The following PTPRE variants were observed in gnomAD, a reference collection of about 807,000 sequenced individuals.
PTPRE encodes receptor-type tyrosine-protein phosphatase epsilon.
In PTPRE, 51 loss-of-function variants were observed where a neutral mutation model predicts 102.0. The observed-to-expected ratio is 0.50, with a 90% CI of 0.40 to 0.63. The LOEUF (loss-of-function observed/expected upper bound fraction) is 0.63. Ranked by LOEUF, PTPRE falls within the 30% of genes least tolerant of loss-of-function variation. The pLI is 0.00. For synonymous variants in PTPRE, 345 were observed against 348.2 expected (o/e 0.99, Z 0.10); for missense variants, 752 against 915.1 (o/e 0.82, Z 2.30).
intron 2 of PTPRE, among the ~76,000 whole-genome samples, chr10:128,005,600 A>G (rs893759849): frequency 2.0e-5 from 3 of 152,228 alleles, no homozygotes; most frequent in Non-Finnish European, 4.4e-5. Context: ...TGCTAAGAGA[A>G]TAGCAGAGTG....
chr10:128,060,845 C>G, intron 7 of PTPRE, 94 bp from the exon 8 acceptor site: 1 of 1,240,622 alleles, frequency 8.1e-7, no homozygotes, highest in South Asian at 1.2e-5. Context: ...GGAGCTGACA[C>G]TGCAGATGAA....
intron 1 of PTPRE, among the ~76,000 whole-genome samples, chr10:127,950,762 G>C (rs796478849): frequency 1.3e-5 from 2 of 152,126 alleles, no homozygotes; most frequent in Non-Finnish European, 2.9e-5. Context: ...GGTCTGACTC[G>C]TGTAGATCTA....
At chr10:127,948,473 G>A (rs12413190) in intron 1 of PTPRE, among the ~76,000 whole-genome samples, 34,897 of 151,968 alleles carry the variant, frequency 0.23, 4,674 homozygotes, top group African/African-American at 0.37. Flanking sequence ...CATATAGAAT[G>A]GTTTTACTGC....
chr10:128,001,867 C>T (rs753517865), intron 2 of PTPRE, among the ~76,000 whole-genome samples: 9 of 152,142 alleles, frequency 5.9e-5, no homozygotes, highest in Non-Finnish European at 1.2e-4. Flanking sequence ...GAAACATCAC[C>T]GGGGCCCTAT....
chr10:128,045,874 G>A (rs900689618), intron 3 of PTPRE, among the ~76,000 whole-genome samples: 1 of 152,220 alleles, frequency 6.6e-6, no homozygotes, highest in East Asian at 1.9e-4. Context: ...ACAGACACCT[G>A]AGTGTGGGGG....
chr10:128,060,891 G>C (rs1250163609), intron 7 of PTPRE, 48 bp from the exon 8 acceptor site: 1 of 1,564,284 alleles, frequency 6.4e-7, no homozygotes, highest in Non-Finnish European at 8.8e-7. Context: ...AGACAGCACT[G>C]TGATTCCTGG....
chr10:128,024,425 G>A (rs1300449448), intron 2 of PTPRE, among the ~76,000 whole-genome samples: 2 of 152,212 alleles, frequency 1.3e-5, no homozygotes, highest in Non-Finnish European at 2.9e-5. Flanking sequence ...AAGGTTCCTT[G>A]TGTCTCCAGC....
At chr10:128,054,024 T>G (rs1848757594) in intron 6 of PTPRE, among the ~76,000 whole-genome samples, 1 of 152,150 alleles carries the variant, frequency 6.6e-6, no homozygotes, top group Admixed American at 6.6e-5. Context: ...ACTTCCAAAG[T>G]GCTGGGATTA....
chr10:128,072,075 T>C (rs960879877), intron 15 of PTPRE, 63 bp from the exon 16 acceptor site: 54 of 1,402,408 alleles, frequency 3.9e-5, no homozygotes, highest in South Asian at 2.4e-4. Context: ...CTTGTAGCAA[T>C]GGATTAAAGT....
In PTPRE at chr10:128,082,845, TCTG is replaced by T; in HGVS notation, c.2045_2047del (p.Cys682del). On this transcript the variant is annotated inframe_deletion, in exon 21 of 21. Coordinates refer to ENST00000254667, the MANE Select transcript of PTPRE (RefSeq NM_006504.6). ...TTGTCTTTTCAGGAACAGTATGAATTCTGCTACAAAGTGGTACAAGATTTTATT... is the reference window on the plus strand; with the variant it reads ...TTGTCTTTTCAGGAACAGTATGAATTCTACAAAGTGGTACAAGATTTTATT... 1 of 1,561,422 alleles carries T rather than the reference TCTG, an allele frequency of 6.4e-7. No individual in the cohort carries two copies. The highest frequency in any genetic ancestry group is 8.6e-7 in the Non-Finnish European group (1 of 1,163,706).
chr10:127,927,609 C>A (rs1294119161), intron 1 of PTPRE, among the ~76,000 whole-genome samples: 3 of 152,310 alleles, frequency 2.0e-5, no homozygotes, highest in Non-Finnish European at 4.4e-5. Flanking sequence ...GAACAGTCCC[C>A]CTCCTCATGG....
chr10:127,911,800 CT>C (rs1432445504), intron 1 of PTPRE, among the ~76,000 whole-genome samples: 1 of 152,176 alleles, frequency 6.6e-6, no homozygotes, highest in East Asian at 1.9e-4. Context: ...ATGTAGCGTG[CT>C]GCCAATTTTA....
At chr10:127,935,714 C>G (rs1465167322) in intron 1 of PTPRE, among the ~76,000 whole-genome samples, 1 of 152,154 alleles carries the variant, frequency 6.6e-6, no homozygotes, top group Non-Finnish European at 1.5e-5. Flanking sequence ...TGAACAGTCC[C>G]TCCCTGAGGG....
chr10:127,996,036 C>T (rs1414035278), intron 2 of PTPRE, among the ~76,000 whole-genome samples: 1 of 152,218 alleles, frequency 6.6e-6, no homozygotes, highest in Non-Finnish European at 1.5e-5. Flanking sequence ...AGGGAAAATT[C>T]ATTTCATGGA....
At chr10:128,080,250 A>T (rs1026876654) in intron 20 of PTPRE, among the ~76,000 whole-genome samples, 1 of 152,126 alleles carries the variant, frequency 6.6e-6, no homozygotes, top group Non-Finnish European at 1.5e-5. Context: ...ATTCCTCCTC[A>T]CCAAATACTA....
intron 1 of PTPRE, among the ~76,000 whole-genome samples, chr10:127,980,323 T>G (rs1851505364): frequency 6.8e-6 from 1 of 148,050 alleles, no homozygotes; most frequent in Non-Finnish European, 1.5e-5. Flanking sequence ...TAATTGTTGT[T>G]TCCATATACA....
At chr10:128,029,140 G>A (rs1846509606) in intron 2 of PTPRE, among the ~76,000 whole-genome samples, 1 of 152,204 alleles carries the variant, frequency 6.6e-6, no homozygotes, top group Admixed American at 6.5e-5. Flanking sequence ...GTGCTGTGGT[G>A]CACGTGAGTC....
In PTPRE at chr10:128,020,937, G is replaced by A. The variant is rs184344013; in HGVS notation, c.-7-19938G>A. On this transcript the variant is annotated intron_variant, in intron 2 of 20. Transcript: ENST00000254667. ...TCTTGAGATGGAGTCTCACTCTGTCGCCCAGGCTGGAGTGCAGTGGCGCAA... is the reference window on the plus strand; with the variant it reads ...TCTTGAGATGGAGTCTCACTCTGTCACCCAGGCTGGAGTGCAGTGGCGCAA... Among the ~76,000 whole-genome samples the A allele has an allele frequency of 2.3e-4, 34 of 148,972 alleles. No individual in the cohort carries two copies. In the East Asian group the frequency reaches 6.5e-3, roughly 29 times the overall value.
At chr10:128,017,361 T>C (rs1845522012) in intron 2 of PTPRE, among the ~76,000 whole-genome samples, 1 of 152,076 alleles carries the variant, frequency 6.6e-6, no homozygotes, top group Admixed American at 6.5e-5. Flanking sequence ...AGTGTGCACA[T>C]TGTGAGGGCT....
Sources: allele counts gnomAD v4.1 joint callset (sites outside exome capture counted in the v4.1 genomes callset), GRCh38; gene constraint gnomAD v4.1.1; transcripts MANE v1.5; gene names NCBI Gene and HGNC (gene_info 2026-07-23, HGNC 2026-07-21).